NGEF: variants seen among roughly 807,000 people sequenced by gnomAD.
NGEF encodes neuronal guanine nucleotide exchange factor.
A neutral mutation model predicts 80.9 loss-of-function variants in NGEF; 31 were observed. The observed-to-expected ratio is 0.38, with a 90% CI of 0.29 to 0.52. The LOEUF is 0.52. Ranked by LOEUF, NGEF falls within the 20% of genes least tolerant of loss-of-function variation. The pLI is 0.84. For synonymous variants in NGEF, 371 were observed against 370.2 expected, an observed-to-expected ratio of 1.00 and a Z score of -0.03; for missense variants, 709 against 926.2, an observed-to-expected ratio of 0.77 and a Z score of 3.04.
At chr2:233,012,390 C>G (rs1194187440) in intron 1 of NGEF, among the ~76,000 whole-genome samples, 5 of 152,202 alleles carry the variant, frequency 3.3e-5, no homozygotes, top group African/African-American at 1.2e-4. Flanking sequence ...TGGCTTGAGG[C>G]CAGCCAGATG....
At chr2:232,917,769 TTC>T (rs1271149110) in intron 5 of NGEF, among the ~76,000 whole-genome samples, 3 of 152,054 alleles carry the variant, frequency 2.0e-5, no homozygotes, top group Non-Finnish European at 4.4e-5. Context: ...ATTGGATAAT[TTC>T]TGTTTTTATT....
intron 5 of NGEF, among the ~76,000 whole-genome samples, chr2:232,913,813 G>T (rs914805745): frequency 6.6e-6 from 1 of 151,980 alleles, no homozygotes; most frequent in Non-Finnish European, 1.5e-5. Context: ...CCAGTTACTC[G>T]GGAGGCTGAG....
In NGEF at chr2:232,902,749, C is replaced by A. The variant is rs575804382; in HGVS notation, c.829-7833G>T. On this transcript the variant is annotated intron_variant, in intron 5 of 14. Transcript: ENST00000264051. ...GGTGCGGTGGCTCACACCTGTAATC[C>A]CAATACTTTGGGAGGCCCAGGCGGG... 5.9e-5 allele frequency among the ~76,000 whole-genome samples: 9 copies of A among 152,242 alleles called. No homozygotes were observed. In the South Asian group the frequency reaches 1.9e-3, roughly 32 times the overall value.
At chr2:232,927,833 A>C (rs2106284717) in intron 3 of NGEF, 3 of 1,147,256 alleles carry the variant, frequency 2.6e-6, no homozygotes, top group Non-Finnish European at 3.3e-6. Flanking sequence ...CCCGGGCGCA[A>C]GCTGGGAAAG....
In NGEF at chr2:232,960,137, T is replaced by C. The variant is rs117829006; in HGVS notation, c.383+10077A>G. Among the ~76,000 whole-genome samples the C allele has an allele frequency of 2.8e-3, 428 of 152,382 alleles. 5 individuals are homozygous for C. The highest frequency in any genetic ancestry group is 0.019 in the East Asian group (98 of 5,188). On this transcript the variant is annotated intron_variant, in intron 3 of 14. Transcript: ENST00000264051. ...TGGGCTAATGTTTTAACAAGGCTGA[T>C]GCTTTCTTAGTTTATCCAGAAAAAT...
rs199927007 is a variant in NGEF at position 232,879,468 on chromosome 2, C to A, written c.*21G>T. ...CGGGGTCTCATGCAGGCCCTGCTCC[C>A]GCTGGCCCCCTGGGTGGGGGTCATT... is the stretch of plus-strand genomic sequence containing the variant. On this transcript the variant is annotated 3_prime_UTR_variant, in exon 15 of 15. Transcript: ENST00000264051. The A allele has an allele frequency of 1.3e-6, 2 of 1,595,438 alleles. No homozygotes were observed. The highest frequency in any genetic ancestry group is 1.7e-6 in the Non-Finnish European group (2 of 1,167,362).
At chr2:232,950,144 G>A (rs1693649282) in intron 3 of NGEF, among the ~76,000 whole-genome samples, 1 of 152,208 alleles carries the variant, frequency 6.6e-6, no homozygotes, top group African/African-American at 2.4e-5. Context: ...TTTGATGGAT[G>A]AAAAATGTTG....
chr2:232,945,952 T>C (rs930908558), intron 3 of NGEF, among the ~76,000 whole-genome samples: 1 of 151,784 alleles, frequency 6.6e-6, no homozygotes, highest in Non-Finnish European at 1.5e-5. Context: ...CAATTCGCAA[T>C]TGGAAAAAAC....
At position 233,013,084 on chromosome 2, in the gene NGEF, C is replaced by G; in HGVS notation, c.-91G>C. ...TTCTCTCACCTGCCAGAGAGGAGCTCATAGGAGTTGGGCTTCCTCAGAGAG... is the reference window on the plus strand; with the variant it reads ...TTCTCTCACCTGCCAGAGAGGAGCTGATAGGAGTTGGGCTTCCTCAGAGAG... On this transcript the variant is annotated 5_prime_UTR_variant, in exon 1 of 15. An upstream start codon of the reference 5' UTR is lost. Transcript: ENST00000264051. The G allele has an allele frequency of 2.1e-6, 1 of 471,004 alleles. No individual in the cohort carries two copies. Among genetic ancestry groups the G allele is most frequent in the South Asian group, 1.5e-5 (1 of 64,552 alleles). 29.2% of individuals were successfully genotyped at this position (471,004 alleles called of 1,614,324 possible). A position where few individuals can be genotyped will look rare whatever the true frequency, so the allele number is the denominator to read the frequency against.
chr2:232,914,227 C>T (rs981099473), intron 5 of NGEF, among the ~76,000 whole-genome samples: 1 of 152,220 alleles, frequency 6.6e-6, no homozygotes, highest in African/African-American at 2.4e-5. Context: ...TTATCTGGCC[C>T]TTTAACAGAA....
At chr2:232,931,055 C>T (rs866339037) in intron 3 of NGEF, among the ~76,000 whole-genome samples, 1 of 152,030 alleles carries the variant, frequency 6.6e-6, no homozygotes, top group Non-Finnish European at 1.5e-5. Flanking sequence ...AATGGTGAGA[C>T]AGGCAGAGGA....
chr2:232,990,857 G>A (rs116244642), intron 1 of NGEF, among the ~76,000 whole-genome samples: 1,680 of 152,056 alleles, frequency 0.011, 37 homozygotes, highest in African/African-American at 0.038. Flanking sequence ...ACTGAACCCA[G>A]CAATATATGA....
At chr2:232,981,958 G>A (rs936390164) in intron 1 of NGEF, among the ~76,000 whole-genome samples, 1 of 152,148 alleles carries the variant, frequency 6.6e-6, no homozygotes, top group African/African-American at 2.4e-5. Flanking sequence ...GAGCTCGCAG[G>A]GGCCACCAGA....
At chr2:233,004,652 C>A (rs1574666643) in intron 1 of NGEF, among the ~76,000 whole-genome samples, 1 of 152,350 alleles carries the variant, frequency 6.6e-6, no homozygotes, top group African/African-American at 2.4e-5. Context: ...GCTCACAACA[C>A]TCCTGAAGGC....
rs2292725 is a variant in NGEF, at chr2:232,885,364, C to A, written c.1353G>T (p.Val451=). ...TCCTGACGCCCTCGTTGCATGCCTTCACCACCTGGGACAAGAAGGAGGGCA... is the reference window on the plus strand; with the variant it reads ...TCCTGACGCCCTCGTTGCATGCCTTAACCACCTGGGACAAGAAGGAGGGCA... The part of the protein sequence containing the change: ...LDAHKELEMV[V]KACNEGVRKM... The change falls in exon 10 of 15, where the codon GTG becomes GTT. Residue 451 remains valine, a synonymous_variant. Coordinates refer to ENST00000264051, the MANE Select transcript of NGEF (RefSeq NM_019850.3). 6.2e-7 allele frequency: 1 copy of A among 1,613,750 alleles called. No individual in the cohort carries two copies.
intron 1 of NGEF, among the ~76,000 whole-genome samples, chr2:232,991,036 C>T (rs1324667359): frequency 7.9e-6 from 1 of 125,790 alleles, no homozygotes; most frequent in Non-Finnish European, 1.5e-5. Context: ...ATTCAACAAC[C>T]CTTCATAATA....
At chr2:232,891,945 C>T (rs1045677173) in intron 7 of NGEF, among the ~76,000 whole-genome samples, 5 of 151,894 alleles carry the variant, frequency 3.3e-5, no homozygotes, top group African/African-American at 9.7e-5. Context: ...GAGGTGAGCT[C>T]GGCCCCATGC....
intron 3 of NGEF, among the ~76,000 whole-genome samples, chr2:232,934,734 C>T (rs1029314441): frequency 4.6e-5 from 7 of 152,190 alleles, no homozygotes; most frequent in East Asian, 1.9e-4. Flanking sequence ...CAGGTGCAGT[C>T]GCTCACATCT....
At chr2:233,000,900 T>C (rs1034754930) in intron 1 of NGEF, among the ~76,000 whole-genome samples, 1 of 152,058 alleles carries the variant, frequency 6.6e-6, no homozygotes, top group Admixed American at 6.5e-5. Flanking sequence ...GGAGAAGGAA[T>C]GAAGGGAACA....
Sources: allele counts gnomAD v4.1 joint callset (sites outside exome capture counted in the v4.1 genomes callset), GRCh38; gene constraint gnomAD v4.1.1; transcripts MANE v1.5; gene names NCBI Gene and HGNC (gene_info 2026-07-23, HGNC 2026-07-21).